Variants in NRXN3 observed in about 807,000 individuals in gnomAD.
The protein encoded by NRXN3 is neurexin 3, also known as neurexin III.
NRXN3 carries 32 observed loss-of-function variants against 137.6 expected under a neutral mutation model. The ratio of observed to expected loss-of-function variants is 0.23; its 90% CI spans 0.18 to 0.31. NRXN3 has a LOEUF of 0.31. Ranked by LOEUF, NRXN3 falls within the 10% of genes least tolerant of loss-of-function variation. The pLI, the probability that NRXN3 is intolerant of heterozygous loss-of-function variation, is 1.00. For missense variants in NRXN3, 1,574 were observed against 2,062.5 expected, an observed-to-expected ratio of 0.76 and a Z score of 4.59; for synonymous variants, 798 against 784.5, an observed-to-expected ratio of 1.02 and a Z score of -0.29.
At chr14:79,323,058 G>A (rs543442324) in intron 15 of NRXN3, among the ~76,000 whole-genome samples, 2 of 152,094 alleles carry the variant, frequency 1.3e-5, no homozygotes, top group Non-Finnish European at 2.9e-5. Flanking sequence ...AAATTGACAC[G>A]GGGTCTAGCT....
chr14:79,746,342 G>C (rs1402659193), intron 19 of NRXN3, among the ~76,000 whole-genome samples: 2 of 152,120 alleles, frequency 1.3e-5, no homozygotes, highest in African/African-American at 2.4e-5. Context: ...GGAAAGCATA[G>C]AGTCAGGGTG....
At chr14:79,167,221 A>G (rs1310640370) in intron 15 of NRXN3, among the ~76,000 whole-genome samples, 3 of 152,058 alleles carry the variant, frequency 2.0e-5, no homozygotes, top group African/African-American at 7.2e-5. Context: ...ACTTCCCACA[A>G]TAGCCTGTTT....
chr14:79,793,414 C>CA (rs967890820), intron 19 of NRXN3, among the ~76,000 whole-genome samples: 7 of 151,884 alleles, frequency 4.6e-5, no homozygotes, highest in East Asian at 3.9e-4. Flanking sequence ...GACTCCGTCT[C>CA]AAAAAAACAA....
At chr14:79,263,292 A>G (rs1043917330) in intron 15 of NRXN3, among the ~76,000 whole-genome samples, 1 of 152,214 alleles carries the variant, frequency 6.6e-6, no homozygotes, top group Non-Finnish European at 1.5e-5. Flanking sequence ...AAAGATTACC[A>G]ATCTTACCAT....
intron 15 of NRXN3, among the ~76,000 whole-genome samples, chr14:79,266,088 G>A (rs555711977): frequency 2.3e-4 from 35 of 152,144 alleles, no homozygotes; most frequent in African/African-American, 8.2e-4. Flanking sequence ...TTTTTAAAAG[G>A]CACCTGGGAA....
At chr14:79,516,275 T>G (rs2096983415) in intron 16 of NRXN3, among the ~76,000 whole-genome samples, 2 of 152,154 alleles carry the variant, frequency 1.3e-5, no homozygotes, top group South Asian at 4.1e-4. Flanking sequence ...GCCACTTGAA[T>G]TAGAAGGCCC....
At chr14:79,773,225 C>A (rs2099085007) in intron 19 of NRXN3, among the ~76,000 whole-genome samples, 1 of 152,136 alleles carries the variant, frequency 6.6e-6, no homozygotes, top group Non-Finnish European at 1.5e-5. Context: ...TGTGGCGATT[C>A]CTCAGGGATC....
At position 78,966,261 on chromosome 14, in the gene NRXN3, A is replaced by C; in HGVS notation, c.2632A>C (p.Lys878Gln). Residue 878 changes from lysine to glutamine, a missense_variant, in exon 12 of 21, where the codon AAG becomes CAG. Physicochemically the swap from Lys to Gln is moderately conservative, Grantham distance 53. Around this residue, in one of 5 missense-constraint regions of NRXN3, gnomAD observed 718 missense variants for 887.6 expected, o/e 0.81. Coordinates refer to ENST00000335750, the MANE Select transcript of NRXN3 (RefSeq NM_001330195.2). ...CGCTGACCCTGTCACCTTTAAGACC[A>C]AGAGCAGCTACCTGAGCCTTGCCAC... ...IIADPVTFKT[K>Q]SSYLSLATLQ... 1.9e-6 allele frequency: 3 copies of C among 1,614,184 alleles called. No individual in the cohort carries two copies. The African/African-American group carries it at 4.0e-5, about 22-fold the overall frequency.
At chr14:79,020,871 A>ACG (rs2099588468) in intron 15 of NRXN3, among the ~76,000 whole-genome samples, 1 of 150,686 alleles carries the variant, frequency 6.6e-6, no homozygotes, top group Admixed American at 6.6e-5. Context: ...TTACACACAC[A>ACG]CACACACACA....
chr14:79,051,159 A>G lies in NRXN3; in HGVS notation c.3262+63018A>G, dbSNP rs567023294. 7.9e-5 allele frequency among the ~76,000 whole-genome samples: 12 copies of G among 152,302 alleles called. No homozygotes were observed. In the East Asian group the frequency reaches 1.9e-3, roughly 25 times the overall value. ...TGAAGGTTGGTTCTAGCAGCCACAC[A>G]GTAATTGCTCTGACCTATCTCCTTT... On this transcript the variant is annotated intron_variant, in intron 15 of 20. Transcript: ENST00000335750.
At chr14:79,441,778 T>C (rs1182632275) in intron 15 of NRXN3, among the ~76,000 whole-genome samples, 1 of 151,662 alleles carries the variant, frequency 6.6e-6, no homozygotes, top group Non-Finnish European at 1.5e-5. Flanking sequence ...ACACACAGTA[T>C]GTGTGTGTGA....
chr14:79,206,099 A>C (rs1351443727), intron 15 of NRXN3, among the ~76,000 whole-genome samples: 1 of 152,170 alleles, frequency 6.6e-6, no homozygotes, highest in East Asian at 1.9e-4. Flanking sequence ...TCACTGCCCA[A>C]ATGGAATGTG....
At chr14:79,095,979 A>T (rs868261106) in intron 15 of NRXN3, among the ~76,000 whole-genome samples, 2 of 152,068 alleles carry the variant, frequency 1.3e-5, no homozygotes, top group South Asian at 2.1e-4. Context: ...AATTTTAAAA[A>T]TTTTTTACCA....
At chr14:79,471,862 A>G (rs1191125923) in intron 16 of NRXN3, among the ~76,000 whole-genome samples, 2 of 152,156 alleles carry the variant, frequency 1.3e-5, no homozygotes, top group Non-Finnish European at 2.9e-5. Context: ...GTTCAGGGGT[A>G]CAAGTGCAGG....
intron 19 of NRXN3, among the ~76,000 whole-genome samples, chr14:79,753,222 A>G (rs1364533537): frequency 6.6e-6 from 1 of 152,010 alleles, no homozygotes; most frequent in Non-Finnish European, 1.5e-5. Flanking sequence ...ATTACTGGGT[A>G]TATACCCAAA....
chr14:78,481,183 G>T (rs1038705637), intron 4 of NRXN3, among the ~76,000 whole-genome samples: 1 of 152,154 alleles, frequency 6.6e-6, no homozygotes, highest in Admixed American at 6.6e-5. Context: ...GAGTCCACAG[G>T]TAAGAGGGAG....
intron 15 of NRXN3, among the ~76,000 whole-genome samples, chr14:79,431,902 C>T (rs2095762333): frequency 6.6e-6 from 1 of 152,102 alleles, no homozygotes; most frequent in African/African-American, 2.4e-5. Flanking sequence ...GTGATCTAGT[C>T]ACAGACCTTA....
intron 15 of NRXN3, among the ~76,000 whole-genome samples, chr14:79,371,966 A>G (rs1171648754): frequency 1.3e-5 from 2 of 152,206 alleles, no homozygotes; most frequent in African/African-American, 4.8e-5. Flanking sequence ...AAAATGGCAG[A>G]ACATTTAAAA....
At chr14:78,308,135 A>C (rs770816365) in intron 4 of NRXN3, among the ~76,000 whole-genome samples, 3 of 152,008 alleles carry the variant, frequency 2.0e-5, no homozygotes, top group Admixed American at 6.6e-5. Flanking sequence ...AATTTGTTCG[A>C]CTAAAGAGCC....
Sources: allele counts gnomAD v4.1 joint callset (sites outside exome capture counted in the v4.1 genomes callset), GRCh38; gene constraint gnomAD v4.1.1; regional missense constraint gnomAD v4.1.1; transcripts MANE v1.5; gene names NCBI Gene and HGNC (gene_info 2026-07-23, HGNC 2026-07-21).